The following CAPN11 variants were observed in gnomAD, a reference collection of about 807,000 sequenced individuals.
The protein encoded by CAPN11 is calpain-11.
A neutral mutation model predicts 105.3 loss-of-function variants in CAPN11; 108 were observed. The observed-to-expected ratio is 1.03, with a 90% CI of 0.88 to 1.20. CAPN11 has a LOEUF of 1.20. Among genes scored for constraint, CAPN11 ranks in the 50% most tolerant of loss-of-function variants. The probability of loss-of-function intolerance (pLI) is 0.00; values close to 1 mark genes in which losing one functional copy is unlikely to be tolerated. For missense variants in CAPN11, 883 were observed against 924.8 expected (o/e 0.95, Z 0.59); for synonymous variants, 329 against 344.5 (o/e 0.96, Z 0.50).
At chr6:44,174,571 C>G (rs1004963885) in intron 7 of CAPN11, among the ~76,000 whole-genome samples, 3 of 134,596 alleles carry the variant, frequency 2.2e-5, no homozygotes, top group Non-Finnish European at 4.8e-5. Context: ...AAAAAAAAGA[C>G]AATCCCCTCC....
chr6:44,183,319 C>T (rs939187118), intron 21 of CAPN11, 84 bp downstream of exon 21: 1 of 826,916 alleles, frequency 1.2e-6, no homozygotes, highest in Non-Finnish European at 2.1e-6. Context: ...GGGTGCTGCT[C>T]CAGATCCCCT....
rs1223656059 is a variant in CAPN11, at chr6:44,169,288, T to C, written c.96T>C (p.Thr32=). ...TTTTTTTTTCTTAAGCAGAGCCCAC[T>C]TTTACTGATACGGGAATGGTGGCTC... The part of the protein sequence containing the change: ...DKPRGSCAEP[T]FTDTGMVAHI... Residue 32 remains threonine (T), a synonymous_variant, in exon 3 of 23, where the codon ACT becomes ACC. Transcript: ENST00000398776. 6.2e-7 allele frequency: 1 copy of C among 1,606,544 alleles called. No homozygotes were observed.
At chr6:44,158,955 G>C in intron 1 of CAPN11, 91 bp downstream of exon 1, 1 of 1,084,314 alleles carries the variant, frequency 9.2e-7, no homozygotes, top group Admixed American at 2.6e-5. Flanking sequence ...CATCAGACTG[G>C]GTGCCCCTTG....
intron 1 of CAPN11, among the ~76,000 whole-genome samples, chr6:44,163,133 A>G (rs11961590): frequency 0.31 from 46,438 of 152,028 alleles, 8,870 homozygotes; most frequent in Non-Finnish European, 0.42. Context: ...TTCAATCCTG[A>G]AACACCCTCG....
intron 2 of CAPN11, 132 bp from the exon 3 acceptor site, chr6:44,169,149 G>T: frequency 1.9e-6 from 2 of 1,041,874 alleles, no homozygotes; most frequent in Non-Finnish European, 2.8e-6. Flanking sequence ...GCCCAGGCTG[G>T]TCTCAAACTC....
At chr6:44,172,186 G>C in intron 4 of CAPN11, 116 bp from the exon 5 acceptor site, 1 of 600,860 alleles carries the variant, frequency 1.7e-6, no homozygotes. Context: ...CTCTCCGCCG[G>C]GGGGGTGAGA....
chr6:44,169,864 G>A (rs1481104148), intron 3 of CAPN11, 42 bp from the exon 4 acceptor site: 3 of 1,439,202 alleles, frequency 2.1e-6, no homozygotes, highest in Non-Finnish European at 2.9e-6. Flanking sequence ...GGTGGGGAGG[G>A]GGTGTCCTGG....
chr6:44,169,899 A>G lies in CAPN11; in HGVS notation c.340-7A>G, dbSNP rs761153528. On this transcript the variant is annotated splice_region_variant and splice_polypyrimidine_tract_variant and intron_variant, in intron 3 of 22. Coordinates refer to ENST00000398776, the MANE Select transcript of CAPN11 (RefSeq NM_007058.4). The stretch of plus-strand genomic sequence containing the variant: ...GGCCCCCTGAAACCTTTATTCCTTC[A>G]CTGCAGGATATCATAAACAACCCTC... 6.8e-6 allele frequency: 11 copies of G among 1,606,170 alleles called. No individual in the cohort carries two copies. In the East Asian group the frequency reaches 2.0e-4, roughly 29 times the overall value.
chr6:44,179,502 A>AC (rs1772763920), intron 12 of CAPN11, 117 bp from the exon 13 acceptor site: 1 of 906,112 alleles, frequency 1.1e-6, no homozygotes. Flanking sequence ...TGCCCTTAAT[A>AC]CCCCTCCAAC....
In CAPN11 at chr6:44,180,671, G is replaced by A. The variant is rs991789962; in HGVS notation, c.1746+9G>A. 1.5e-5 allele frequency: 24 copies of A among 1,613,644 alleles called. No individual in the cohort carries two copies. Among genetic ancestry groups the A allele is most frequent in the Non-Finnish European group, 1.9e-5 (22 of 1,179,818 alleles). On this transcript the variant is annotated intron_variant, in intron 16 of 22. Transcript: ENST00000398776. ...AGATAGTGGCAGGAGAGGTGAGCAGGCCACGAGCGGAGGGCTGACAGGAGG... is the reference window on the plus strand; with the variant it reads ...AGATAGTGGCAGGAGAGGTGAGCAGACCACGAGCGGAGGGCTGACAGGAGG...
intron 5 of CAPN11, 129 bp downstream of exon 5, chr6:44,172,549 G>T: frequency 1.6e-6 from 1 of 607,618 alleles, no homozygotes; most frequent in South Asian, 2.2e-5. Context: ...CTAATTATCA[G>T]AGAAATATCT....
rs554048040 is a variant in CAPN11 at position 44,179,910 on chromosome 6, C to T, written c.1429-42C>T. ...ACCCTGGGGGACCCTCCCTCCCTAA[C>T]CTCCCATGCCAGTCCTGTACCCACT... On this transcript the variant is annotated intron_variant, in intron 13 of 22. Coordinates refer to ENST00000398776, the MANE Select transcript of CAPN11 (RefSeq NM_007058.4). 30 of 1,496,708 alleles carry T rather than the reference C, an allele frequency of 2.0e-5. 1 individual carries two copies. In the South Asian group the frequency reaches 3.3e-4, roughly 16 times the overall value. The allele number at this position is 1,496,708 out of a possible 1,614,324, so 92.7% of individuals were successfully genotyped here. A position where few individuals can be genotyped will look rare whatever the true frequency, so the allele number is the denominator to read the frequency against.
Position 44,177,418 on chromosome 6 carries a change from G to C in CAPN11, c.1414G>C (p.Ala472Pro), listed in dbSNP as rs147936977. 5.0e-6 allele frequency: 8 copies of C among 1,609,372 alleles called. No individual in the cohort carries two copies. The African/African-American group carries it at 5.3e-5, about 11-fold the overall frequency. Residue 472 changes from alanine to proline, a missense_variant and splice_region_variant, in exon 12 of 23, where the codon GCG (alanine) becomes CCG (proline). Coordinates refer to ENST00000398776, the MANE Select transcript of CAPN11 (RefSeq NM_007058.4). ...GCAGACCATTGGCTTTGTCCTCTACGCGGTGGGTGCCTGGCTGGTCTCGCC... is the reference window on the plus strand; with the variant it reads ...GCAGACCATTGGCTTTGTCCTCTACCCGGTGGGTGCCTGGCTGGTCTCGCC... The part of the protein sequence containing the change: ...QLQTIGFVLY[A>P]VPKEFQNIQD...
At chr6:44,182,447 C>T (rs964743362) in intron 19 of CAPN11, among the ~76,000 whole-genome samples, 4 of 152,170 alleles carry the variant, frequency 2.6e-5, no homozygotes, top group Admixed American at 6.5e-5. Context: ...ACACAAAGAG[C>T]GCTGGGCAGG....
intron 13 of CAPN11, 47 bp downstream of exon 13, chr6:44,179,677 T>G: frequency 6.3e-7 from 1 of 1,596,740 alleles, no homozygotes; most frequent in East Asian, 2.2e-5. Flanking sequence ...ACATACCCAC[T>G]CCACCCCTGG....
intron 18 of CAPN11, 97 bp from the exon 19 acceptor site, chr6:44,181,155 C>T: frequency 7.9e-7 from 1 of 1,259,226 alleles, no homozygotes; most frequent in East Asian, 2.3e-5. Context: ...GTACCGGAAC[C>T]CCAGGGCTTG....
At chr6:44,164,532 G>A (rs765552029) in intron 1 of CAPN11, among the ~76,000 whole-genome samples, 21 of 152,330 alleles carry the variant, frequency 1.4e-4, no homozygotes, top group Non-Finnish European at 2.8e-4. Flanking sequence ...AGGGAAGGCA[G>A]GTAGTGATGG....
intron 7 of CAPN11, among the ~76,000 whole-genome samples, chr6:44,174,551 A>G (rs2128305450): frequency 6.7e-6 from 1 of 150,202 alleles, no homozygotes; most frequent in East Asian, 1.9e-4. Flanking sequence ...ATTAGCTGAG[A>G]AAAAAGAAAA....
intron 19 of CAPN11, among the ~76,000 whole-genome samples, 172 bp downstream of exon 19, chr6:44,181,492 A>C (rs1773268415): frequency 2.5e-5 from 1 of 40,750 alleles, no homozygotes; most frequent in African/African-American, 1.3e-4. Flanking sequence ...CAACCACACC[A>C]CACACACACA....
Sources: allele counts gnomAD v4.1 joint callset (sites outside exome capture counted in the v4.1 genomes callset), GRCh38; gene constraint gnomAD v4.1.1; transcripts MANE v1.5; gene names NCBI Gene and HGNC (gene_info 2026-07-23, HGNC 2026-07-21).